OXR1: variants seen among roughly 807,000 people sequenced by gnomAD.
OXR1 encodes oxidation resistance 1.
In OXR1, 41 loss-of-function variants were observed where a neutral mutation model predicts 104.6. The ratio of observed to expected loss-of-function variants is 0.39; its 90% CI spans 0.31 to 0.51. The LOEUF (loss-of-function observed/expected upper bound fraction) is 0.51. Among genes scored for constraint, OXR1 ranks in the 20% least tolerant of loss-of-function variants. The pLI, the probability that OXR1 is intolerant of heterozygous loss-of-function variation, is 0.77. For missense variants in OXR1, 955 were observed against 1,031.9 expected, an observed-to-expected ratio of 0.93 and a Z score of 1.02; for synonymous variants, 348 against 348.4, an observed-to-expected ratio of 1.00 and a Z score of 0.01.
intron 1 of OXR1, among the ~76,000 whole-genome samples, chr8:106,325,853 G>C (rs1041102497): frequency 3.3e-5 from 5 of 152,126 alleles, no homozygotes; most frequent in Non-Finnish European, 5.9e-5. Context: ...TAAAAATTAA[G>C]TTTACTATAA....
At chr8:106,729,701 AT>A (rs1189561061) in intron 11 of OXR1, 1 of 152,098 alleles carries the variant, frequency 6.6e-6, no homozygotes, top group Non-Finnish European at 1.5e-5. Context: ...AATGTAGAAT[AT>A]TTTTTCTTAA....
chr8:106,570,683 C>A (rs570320933), intron 3 of OXR1, among the ~76,000 whole-genome samples: 1 of 152,234 alleles, frequency 6.6e-6, no homozygotes, highest in South Asian at 2.1e-4. Context: ...TTCCTTCATG[C>A]TGACTCCATT....
chr8:106,615,579 C>T (rs1446377908), intron 3 of OXR1, among the ~76,000 whole-genome samples: 3 of 146,662 alleles, frequency 2.0e-5, no homozygotes, highest in Non-Finnish European at 3.0e-5. Context: ...CTGCACTCCA[C>T]TCTTGGCAAC....
intron 3 of OXR1, among the ~76,000 whole-genome samples, chr8:106,666,417 C>T (rs887269489): frequency 3.3e-5 from 5 of 152,150 alleles, no homozygotes; most frequent in African/African-American, 1.2e-4. Flanking sequence ...TGTATTTGCT[C>T]TATCTAATAT....
At chr8:106,506,662 G>C (rs1318310723) in intron 2 of OXR1, among the ~76,000 whole-genome samples, 1 of 152,060 alleles carries the variant, frequency 6.6e-6, no homozygotes, top group Non-Finnish European at 1.5e-5. Context: ...CAAAGAAATA[G>C]ACTACAATAT....
chr8:106,520,694 G>GA (rs910329566), intron 3 of OXR1: 90 of 152,252 alleles, frequency 5.9e-4, no homozygotes, highest in African/African-American at 2.2e-3. Flanking sequence ...CAATTGACTA[G>GA]AAAATCTCAC....
chr8:106,365,567 G>A (rs1816437020), intron 2 of OXR1, among the ~76,000 whole-genome samples: 2 of 152,066 alleles, frequency 1.3e-5, no homozygotes, highest in Non-Finnish European at 1.5e-5. Context: ...TCTACAAAAT[G>A]CCAATGTCTT....
intron 2 of OXR1, among the ~76,000 whole-genome samples, chr8:106,379,537 C>CTTTTTTTTTTTTTT (rs60855438): frequency 2.8e-5 from 3 of 108,398 alleles, no homozygotes; most frequent in Admixed American, 1.1e-4. Context: ...TTCTTTCTTT[C>CTTTTTTTTTTTTTT]TTTTTTTTTT....
intron 4 of OXR1, among the ~76,000 whole-genome samples, chr8:106,682,938 A>T (rs189237429): frequency 3.3e-4 from 50 of 152,306 alleles, no homozygotes; most frequent in South Asian, 8.3e-4. Flanking sequence ...TGACTTTTAA[A>T]TTATGTTTTG....
At chr8:106,698,971 C>T (rs1601249) in intron 7 of OXR1, among the ~76,000 whole-genome samples, 89,948 of 151,856 alleles carry the variant, frequency 0.59, 27,294 homozygotes, top group African/African-American at 0.72. Flanking sequence ...TGTATTCCTA[C>T]ATATATTCTT....
chr8:106,290,818 A>G (rs1812716836), intron 1 of OXR1, among the ~76,000 whole-genome samples: 1 of 152,180 alleles, frequency 6.6e-6, no homozygotes, highest in Admixed American at 6.5e-5. Flanking sequence ...GCTGCAGAGA[A>G]AAGGGAATGC....
intron 1 of OXR1, among the ~76,000 whole-genome samples, chr8:106,294,395 C>CAAAA (rs1200997871): frequency 0.013 from 922 of 70,164 alleles, 18 homozygotes; most frequent in Non-Finnish European, 0.019. Context: ...GACTCTGTCT[C>CAAAA]AAAAAAAAAA....
intron 7 of OXR1, 88 bp downstream of exon 7, chr8:106,692,965 C>A: frequency 2.1e-6 from 2 of 930,894 alleles, no homozygotes; most frequent in Non-Finnish European, 3.1e-6. Flanking sequence ...TTTAAGTCAT[C>A]AATGTCAGAA....
chr8:106,558,296 C>G (rs928734750), intron 3 of OXR1, among the ~76,000 whole-genome samples: 6 of 152,186 alleles, frequency 3.9e-5, no homozygotes, highest in African/African-American at 1.4e-4. Flanking sequence ...CAGCTTAAAA[C>G]AACAACCATT....
intron 3 of OXR1, among the ~76,000 whole-genome samples, chr8:106,563,576 A>G (rs1394817973): frequency 6.6e-6 from 1 of 152,164 alleles, no homozygotes; most frequent in Non-Finnish European, 1.5e-5. Flanking sequence ...ATTAGACAGA[A>G]CAATAAGACA....
chr8:106,359,950 G>A (rs1033648448), intron 2 of OXR1, among the ~76,000 whole-genome samples: 6 of 152,024 alleles, frequency 3.9e-5, no homozygotes, highest in African/African-American at 1.5e-4. Flanking sequence ...CCTTGCTATC[G>A]GTATATTCCC....
chr8:106,710,600 A>G, intron 9 of OXR1, 22 bp from the exon 10 acceptor site: 1 of 1,515,040 alleles, frequency 6.6e-7, no homozygotes, highest in African/African-American at 1.4e-5. Context: ...TTGAATAAAC[A>G]CTGTTTGCAT....
intron 15 of OXR1, among the ~76,000 whole-genome samples, chr8:106,745,323 G>T (rs1041483210): frequency 6.6e-5 from 10 of 152,076 alleles, no homozygotes; most frequent in Admixed American, 6.5e-4. Context: ...ACCCATTATG[G>T]TCATGGTTTA....
intron 3 of OXR1, among the ~76,000 whole-genome samples, chr8:106,622,074 A>G (rs932173163): frequency 6.6e-6 from 1 of 152,182 alleles, no homozygotes; most frequent in African/African-American, 2.4e-5. Flanking sequence ...ATTTCCATTA[A>G]TGGAAGCATC....
Sources: gnomAD v4.1 joint callset for allele counts (sites outside exome capture counted in the v4.1 genomes callset) on GRCh38, gnomAD v4.1.1 for gene constraint, MANE v1.5 for transcripts, NCBI Gene and HGNC (gene_info 2026-07-23, HGNC 2026-07-21) for gene names.